ADAD1: variants seen among roughly 807,000 people sequenced by gnomAD.
The protein encoded by ADAD1 is adenosine deaminase domain-containing protein 1.
In ADAD1, 46 loss-of-function variants were observed where a neutral mutation model predicts 66.8. The ratio of observed to expected loss-of-function variants is 0.69; its 90% CI spans 0.54 to 0.88. The LOEUF is 0.88. Among genes scored for constraint, ADAD1 ranks in the 40% least tolerant of loss-of-function variants. The pLI is 0.00. For synonymous variants in ADAD1, 248 were observed against 229.4 expected, an observed-to-expected ratio of 1.08 and a Z score of -0.73; for missense variants, 617 against 681.8, an observed-to-expected ratio of 0.91 and a Z score of 1.06.
rs1182362916 is a variant in ADAD1 at position 122,415,376 on chromosome 4, T to C, written c.1250-3T>C. 3 of 1,606,092 alleles carry C rather than the reference T, an allele frequency of 1.9e-6. No individual in the cohort carries two copies. The highest frequency in any genetic ancestry group is 1.7e-5 in the Admixed American group (1 of 58,754). ...ACTTGAGTGTTTTGTTTTTGCTTTC[T>C]AGGTGATGGGAATTGCAGTGATACC... On this transcript the variant is annotated splice_region_variant and splice_polypyrimidine_tract_variant and intron_variant, in intron 10 of 12. Coordinates refer to ENST00000296513, the MANE Select transcript of ADAD1 (RefSeq NM_139243.4).
chr4:122,396,519 AG>A (rs1333286785), intron 7 of ADAD1, 142 bp downstream of exon 7: 4 of 612,038 alleles, frequency 6.5e-6, no homozygotes, highest in Non-Finnish European at 1.0e-5. Flanking sequence ...TTAAACACAA[AG>A]CTTCTCCAAG....
At chr4:122,394,939 G>A (rs1580755546) in intron 6 of ADAD1, among the ~76,000 whole-genome samples, 1 of 152,134 alleles carries the variant, frequency 6.6e-6, no homozygotes, top group Non-Finnish European at 1.5e-5. Context: ...ACAAGTTTTG[G>A]ATGTTATAAC....
Position 122,381,122 on chromosome 4 carries a change from G to A in ADAD1, c.303G>A (p.Leu101=), listed in dbSNP as rs1794878506. ...KRGEINPVSA[L]HQFAQMQRVQ... The stretch of plus-strand genomic sequence containing the variant: ...GAGAGATAAATCCTGTGTCAGCCTT[G>A]CACCAGTTTGCACAAATGCAGCGAG... Residue 101 remains leucine, a synonymous_variant, in exon 4 of 13, where the codon TTG becomes TTA. Transcript: ENST00000296513. 6.3e-7 allele frequency: 1 copy of A among 1,596,650 alleles called. No individual in the cohort carries two copies. Among genetic ancestry groups the A allele is most frequent in the African/African-American group, 1.4e-5 (1 of 73,578 alleles).
intron 7 of ADAD1, among the ~76,000 whole-genome samples, chr4:122,398,981 C>T (rs1401043988): frequency 6.6e-6 from 1 of 151,944 alleles, no homozygotes; most frequent in Non-Finnish European, 1.5e-5. Flanking sequence ...GTTTAAGCCT[C>T]ATCTGTTTAT....
At chr4:122,388,023 T>C (rs1795258991) in intron 5 of ADAD1, among the ~76,000 whole-genome samples, 1 of 152,134 alleles carries the variant, frequency 6.6e-6, no homozygotes, top group Non-Finnish European at 1.5e-5. Context: ...CCTACCAGAG[T>C]GCTGGGATTA....
Position 122,381,231 on chromosome 4 carries a change from A to G in ADAD1, c.361+51A>G, listed in dbSNP as rs944763285. On this transcript the variant is annotated intron_variant, in intron 4 of 12. Transcript: ENST00000296513. ...AAAAACAAAACGAAAAGTATAGCAA[A>G]ATAATTGTGCTAAGTTTAGTTCTTT... 2.0e-6 allele frequency: 3 copies of G among 1,479,210 alleles called. No individual in the cohort carries two copies. In the African/African-American group the frequency reaches 4.3e-5, roughly 21 times the overall value. The allele number at this position is 1,479,210 out of a possible 1,614,324, so 91.6% of individuals were successfully genotyped here.
intron 4 of ADAD1, among the ~76,000 whole-genome samples, chr4:122,383,404 C>T (rs79187185): frequency 1.1e-4 from 16 of 152,214 alleles, no homozygotes; most frequent in African/African-American, 2.9e-4. Context: ...GTTTTAAAGA[C>T]GTTTGTATTT....
rs1042364724 is a variant in ADAD1 at position 122,415,258 on chromosome 4, G to A, written c.1250-121G>A. The A allele has an allele frequency of 1.4e-5, 10 of 716,420 alleles. No homozygotes were observed. The Admixed American group carries it at 2.9e-4, about 21-fold the overall frequency. 44.4% of individuals were successfully genotyped at this position (716,420 alleles called of 1,614,324 possible). On this transcript the variant is annotated intron_variant, in intron 10 of 12. Coordinates refer to ENST00000296513, the MANE Select transcript of ADAD1 (RefSeq NM_139243.4). ...ATGCTAAGAGAATAGAACTAGGAAA[G>A]GGAAGGTTGAAAGATAAAGGATAGA... is the stretch of plus-strand genomic sequence containing the variant.
At chr4:122,387,928 T>A (rs1456975975) in intron 5 of ADAD1, among the ~76,000 whole-genome samples, 1 of 151,716 alleles carries the variant, frequency 6.6e-6, no homozygotes, top group South Asian at 2.1e-4. Flanking sequence ...CCCAGCTAAT[T>A]TTTTGTATTT....
chr4:122,386,448 T>C (rs1220155452), intron 5 of ADAD1, among the ~76,000 whole-genome samples: 1 of 152,238 alleles, frequency 6.6e-6, no homozygotes, highest in Non-Finnish European at 1.5e-5. Flanking sequence ...ATTAGACCTT[T>C]GTCAGATGTG....
At chr4:122,408,099 T>C (rs752542794) in intron 8 of ADAD1, 68 bp downstream of exon 8, 24 of 1,455,324 alleles carry the variant, frequency 1.6e-5, no homozygotes, top group Non-Finnish European at 2.1e-5. Flanking sequence ...TTCATATAAA[T>C]GTCTTCATTT....
At chr4:122,401,377 A>G (rs532345056) in intron 7 of ADAD1, among the ~76,000 whole-genome samples, 18 of 152,160 alleles carry the variant, frequency 1.2e-4, no homozygotes, top group South Asian at 4.2e-4. Flanking sequence ...TATAATTTCA[A>G]TTTTCTTAAA....
chr4:122,427,905 A>G (rs1223583858), intron 12 of ADAD1, among the ~76,000 whole-genome samples: 1 of 152,206 alleles, frequency 6.6e-6, no homozygotes, highest in Admixed American at 6.5e-5. Flanking sequence ...CAAAACTTAC[A>G]ATAAGGCTAT....
intron 7 of ADAD1, among the ~76,000 whole-genome samples, chr4:122,403,047 G>C (rs1464264623): frequency 6.6e-6 from 1 of 152,084 alleles, no homozygotes; most frequent in African/African-American, 2.4e-5. Context: ...TGAACTTTTG[G>C]GGGTGTTACA....
At chr4:122,406,962 T>C (rs183834842) in intron 7 of ADAD1, among the ~76,000 whole-genome samples, 1 of 152,152 alleles carries the variant, frequency 6.6e-6, no homozygotes, top group Non-Finnish European at 1.5e-5. Flanking sequence ...TTCTGTTTCT[T>C]CTGCTGTAAG....
chr4:122,417,777 C>T (rs956652553), intron 11 of ADAD1, among the ~76,000 whole-genome samples: 4 of 151,988 alleles, frequency 2.6e-5, no homozygotes, highest in African/African-American at 9.7e-5. Flanking sequence ...ATAACAAATT[C>T]CAAAGGAAAA....
intron 5 of ADAD1, among the ~76,000 whole-genome samples, chr4:122,387,479 T>A (rs770553960): frequency 1.3e-5 from 2 of 152,192 alleles, no homozygotes; most frequent in Non-Finnish European, 1.5e-5. Flanking sequence ...TCATGTCGTC[T>A]ACAAACAGAG....
intron 7 of ADAD1, among the ~76,000 whole-genome samples, chr4:122,399,740 CTTTTTT>C (rs145100591): frequency 9.0e-6 from 1 of 110,534 alleles, no homozygotes; most frequent in Admixed American, 8.8e-5. Flanking sequence ...ATTTTCTTTT[CTTTTTT>C]TTTTTTTTTT....
intron 3 of ADAD1, 172 bp downstream of exon 3, chr4:122,380,413 C>T: frequency 1.4e-6 from 1 of 723,974 alleles, no homozygotes; most frequent in East Asian, 2.8e-5. Context: ...CTGTAGAGCT[C>T]TTTACCTGTG....
Sources: gnomAD v4.1 joint callset for allele counts (sites outside exome capture counted in the v4.1 genomes callset) on GRCh38, gnomAD v4.1.1 for gene constraint, MANE v1.5 for transcripts, NCBI Gene and HGNC (gene_info 2026-07-23, HGNC 2026-07-21) for gene names.